The following ST3GAL1 variants were observed in gnomAD, a reference collection of about 807,000 sequenced individuals.
ST3GAL1 encodes ST3 beta-galactoside alpha-2,3-sialyltransferase 1.
ST3GAL1 carries 16 observed loss-of-function variants against 34.1 expected under a neutral mutation model. The observed-to-expected ratio is 0.47, with a 90% CI of 0.32 to 0.71. The LOEUF is 0.71. ST3GAL1 is among the 30% of genes least tolerant of loss of function. The pLI is 0.04. For synonymous variants in ST3GAL1, 191 were observed against 184.7 expected, an observed-to-expected ratio of 1.03 and a Z score of -0.28; for missense variants, 353 against 447.4, an observed-to-expected ratio of 0.79 and a Z score of 1.90.
At chr8:133,492,859 G>A (rs1259779116) in intron 3 of ST3GAL1, among the ~76,000 whole-genome samples, 2 of 152,194 alleles carry the variant, frequency 1.3e-5, no homozygotes, top group African/African-American at 2.4e-5. Flanking sequence ...CCATGCGGCA[G>A]GGGGAGTTCA....
chr8:133,551,612 A>AAGAAAGAG (rs759004118), intron 1 of ST3GAL1, among the ~76,000 whole-genome samples: 1 of 129,714 alleles, frequency 7.7e-6, no homozygotes, highest in East Asian at 2.5e-4. Flanking sequence ...GAAAGAAAGA[A>AAGAAAGAG]AGAAAGAGCG....
chr8:133,519,264 G>A (rs1175744607), intron 2 of ST3GAL1, among the ~76,000 whole-genome samples: 1 of 152,172 alleles, frequency 6.6e-6, no homozygotes, highest in Non-Finnish European at 1.5e-5. Flanking sequence ...AGTGTTAGCA[G>A]GCATGTGCAG....
intron 2 of ST3GAL1, among the ~76,000 whole-genome samples, chr8:133,517,796 G>A (rs899100346): frequency 2.0e-5 from 3 of 152,228 alleles, no homozygotes; most frequent in African/African-American, 7.2e-5. Flanking sequence ...GGCATGTTTT[G>A]TCTGCACTGT....
At chr8:133,513,275 G>A (rs550466384) in intron 2 of ST3GAL1, among the ~76,000 whole-genome samples, 19 of 151,954 alleles carry the variant, frequency 1.3e-4, no homozygotes, top group Admixed American at 3.9e-4. Context: ...GCCCACTCTC[G>A]CCTCTTCTCC....
At chr8:133,527,191 G>A (rs1818003263) in intron 2 of ST3GAL1, among the ~76,000 whole-genome samples, 1 of 152,130 alleles carries the variant, frequency 6.6e-6, no homozygotes, top group Non-Finnish European at 1.5e-5. Context: ...AGAGAAAGAG[G>A]GGAGAGACTT....
rs560462968 is a variant in ST3GAL1, at chr8:133,557,019, C to A, written c.-581-11093G>T. On this transcript the variant is annotated intron_variant, in intron 1 of 9. Coordinates refer to ENST00000522652, the MANE Select transcript of ST3GAL1 (RefSeq NM_173344.3). ...GGTATGTGACAACCCCCCAACCTGA[C>A]CCTCCCAACCTGGGAGACCTTCAGG... is the stretch of plus-strand genomic sequence containing the variant. 4.6e-5 allele frequency among the ~76,000 whole-genome samples: 7 copies of A among 152,292 alleles called. 1 individual carries two copies. The highest frequency in any genetic ancestry group is 7.4e-5 in the Non-Finnish European group (5 of 68,022).
At chr8:133,542,612 T>A (rs1238415951) in intron 2 of ST3GAL1, among the ~76,000 whole-genome samples, 1 of 151,804 alleles carries the variant, frequency 6.6e-6, no homozygotes, top group Non-Finnish European at 1.5e-5. Context: ...CCATCTCTAC[T>A]AAAAGTACAA....
intron 2 of ST3GAL1, among the ~76,000 whole-genome samples, chr8:133,521,369 G>A (rs984312939): frequency 6.6e-5 from 10 of 152,108 alleles, no homozygotes; most frequent in Non-Finnish European, 1.2e-4. Flanking sequence ...CGTGATCTCC[G>A]CTCACTGTAA....
At chr8:133,518,045 C>A (rs1444937186) in intron 2 of ST3GAL1, among the ~76,000 whole-genome samples, 2 of 152,292 alleles carry the variant, frequency 1.3e-5, no homozygotes, top group Middle Eastern at 3.4e-3. Context: ...ATGTTTCAAC[C>A]CATTTGTGTT....
At chr8:133,513,600 T>C (rs1004358027) in intron 2 of ST3GAL1, among the ~76,000 whole-genome samples, 1 of 152,116 alleles carries the variant, frequency 6.6e-6, no homozygotes, top group Non-Finnish European at 1.5e-5. Context: ...TGATTCTTTC[T>C]AGAAAAAGGT....
chr8:133,474,828 T>A (rs1207773839), intron 5 of ST3GAL1, among the ~76,000 whole-genome samples: 2 of 152,232 alleles, frequency 1.3e-5, no homozygotes, highest in Admixed American at 1.3e-4. Context: ...TAAGTTTCTA[T>A]GACAAACCTC....
intron 2 of ST3GAL1, among the ~76,000 whole-genome samples, chr8:133,506,753 C>T (rs1011230776): frequency 6.0e-5 from 9 of 150,842 alleles, no homozygotes; most frequent in African/African-American, 2.0e-4. Context: ...CCATTGCACT[C>T]CAGCTTGGGG....
At chr8:133,460,716 G>T (rs965757273) in intron 9 of ST3GAL1, among the ~76,000 whole-genome samples, 2 of 152,182 alleles carry the variant, frequency 1.3e-5, no homozygotes, top group South Asian at 4.1e-4. Flanking sequence ...CAGGGCTCCC[G>T]CAGCACAGAG....
In ST3GAL1 at chr8:133,459,754, C is replaced by T. The variant is rs1815425545; in HGVS notation, c.*10G>A. ...TGTGACAGTGCGTCCATCCTCAGCC[C>T]TTCACTGCGTCATCTCCCCTTGAAG... On this transcript the variant is annotated 3_prime_UTR_variant, in exon 10 of 10. Transcript: ENST00000522652. The surrounding 1 kb of genome is among the most constrained non-coding windows in gnomAD (Gnocchi z 4.7). 1.2e-6 allele frequency: 2 copies of T among 1,606,156 alleles called. No individual in the cohort carries two copies. Among genetic ancestry groups the T allele is most frequent in the Non-Finnish European group, 1.7e-6 (2 of 1,175,048 alleles).
At chr8:133,523,375 C>T (rs934362118) in intron 2 of ST3GAL1, among the ~76,000 whole-genome samples, 5 of 152,284 alleles carry the variant, frequency 3.3e-5, no homozygotes, top group African/African-American at 1.2e-4. Context: ...TACAGAGATT[C>T]CACAGCCAAA....
In ST3GAL1 at chr8:133,464,648, G is replaced by A; in HGVS notation, c.683+130C>T. The A allele has an allele frequency of 5.1e-6, 5 of 977,290 alleles. No homozygotes were observed. In the Admixed American group the frequency reaches 9.4e-5, roughly 18 times the overall value. The allele number at this position is 977,290 out of a possible 1,614,324, so 60.5% of individuals were successfully genotyped here. On this transcript the variant is annotated intron_variant, in intron 7 of 9. Coordinates refer to ENST00000522652, the MANE Select transcript of ST3GAL1 (RefSeq NM_173344.3). The stretch of plus-strand genomic sequence containing the variant: ...GGAGGCGGCCACGGGAACTGGGCTT[G>A]TGTGTGCCGGAGGAGGCTGGGGGAG...
At chr8:133,491,577 C>T (rs1392255575) in intron 3 of ST3GAL1, among the ~76,000 whole-genome samples, 2 of 152,180 alleles carry the variant, frequency 1.3e-5, no homozygotes, top group Non-Finnish European at 2.9e-5. Context: ...TAGTCCGTGA[C>T]TTCACGGAAA....
In ST3GAL1 at chr8:133,554,220, G is replaced by T. The variant is rs9643301; in HGVS notation, c.-581-8294C>A. 0.018 allele frequency among the ~76,000 whole-genome samples: 2,728 copies of T among 152,212 alleles called. 140 individuals carry two copies. The East Asian group carries it at 0.21, about 12-fold the overall frequency. On this transcript the variant is annotated intron_variant, in intron 1 of 9. Coordinates refer to ENST00000522652, the MANE Select transcript of ST3GAL1 (RefSeq NM_173344.3). ...AGTCAAATTCTAGACCCATTTTTCAGAGTCTGCAATCACCTGCCCAAAGTC... is the reference window on the plus strand; with the variant it reads ...AGTCAAATTCTAGACCCATTTTTCATAGTCTGCAATCACCTGCCCAAAGTC...
intron 1 of ST3GAL1, among the ~76,000 whole-genome samples, chr8:133,564,065 C>T (rs368945015): frequency 1.3e-5 from 2 of 152,200 alleles, no homozygotes; most frequent in Non-Finnish European, 1.5e-5. Flanking sequence ...TGCTGTGTGT[C>T]TCTTGTTTAA....
Sources: allele counts gnomAD v4.1 joint callset (sites outside exome capture counted in the v4.1 genomes callset), GRCh38; gene constraint gnomAD v4.1.1; non-coding constraint Gnocchi (gnomAD v3.1); transcripts MANE v1.5; gene names NCBI Gene and HGNC (gene_info 2026-07-23, HGNC 2026-07-21).